The following WWOX variants were observed in gnomAD, a reference collection of about 807,000 sequenced individuals.
WWOX encodes the protein WW domain containing oxidoreductase.
WWOX carries 69 observed loss-of-function variants against 46.2 expected under a neutral mutation model. The observed-to-expected ratio is 1.49, with a 90% CI of 1.23 to 1.82. The LOEUF (loss-of-function observed/expected upper bound fraction) is 1.82. WWOX is among the 40% of genes most tolerant of loss of function. The probability of loss-of-function intolerance (pLI) is 0.00; values close to 1 mark genes in which losing one functional copy is unlikely to be tolerated. For missense variants in WWOX, 919 were observed against 542.6 expected, an observed-to-expected ratio of 1.69 and a Z score of -6.89; for synonymous variants, 359 against 202.6, an observed-to-expected ratio of 1.77 and a Z score of -6.56.
intron 8 of WWOX, among the ~76,000 whole-genome samples, chr16:78,910,257 C>A (rs1036250351): frequency 1.3e-5 from 2 of 150,122 alleles, no homozygotes; most frequent in Admixed American, 1.3e-4. Context: ...AGGTGGATTC[C>A]CTGCTTTCTC....
chr16:79,032,779 A>C (rs1340465226), intron 8 of WWOX, among the ~76,000 whole-genome samples: 2 of 151,402 alleles, frequency 1.3e-5, no homozygotes, highest in Admixed American at 6.6e-5. Flanking sequence ...TTTATATTTT[A>C]TTTTAAGTTC....
At chr16:78,193,910 C>T (rs926233898) in intron 5 of WWOX, among the ~76,000 whole-genome samples, 3 of 151,108 alleles carry the variant, frequency 2.0e-5, no homozygotes, top group Admixed American at 6.6e-5. Flanking sequence ...CGGACTCTCG[C>T]ACTGTCGCCC....
chr16:78,176,934 C>T (rs77409544), intron 5 of WWOX, among the ~76,000 whole-genome samples: 8,811 of 152,240 alleles, frequency 0.058, 856 homozygotes, highest in African/African-American at 0.2. Flanking sequence ...CAGATATGTA[C>T]ATGGTGCTAC....
chr16:78,997,002 G>A (rs2047003456), intron 8 of WWOX, among the ~76,000 whole-genome samples: 1 of 152,226 alleles, frequency 6.6e-6, no homozygotes, highest in African/African-American at 2.4e-5. Flanking sequence ...TCGCTCAAAT[G>A]TGCGTCTCTG....
At position 78,788,374 on chromosome 16, in the gene WWOX, C is replaced by G. The variant is rs946691656; in HGVS notation, c.1056+355622C>G. Among the ~76,000 whole-genome samples the G allele has an allele frequency of 2.0e-5, 3 of 152,334 alleles. No individual in the cohort carries two copies. In the East Asian group the frequency reaches 5.8e-4, roughly 29 times the overall value. On this transcript the variant is annotated intron_variant, in intron 8 of 8. Coordinates refer to ENST00000566780, the MANE Select transcript of WWOX (RefSeq NM_016373.4). ...ATCTCTTTGTCTCCTGTCCTTCTTT[C>G]ACCTGCCCCAAGGCAGGACTCTAAT...
At chr16:78,314,443 C>T (rs908006907) in intron 5 of WWOX, among the ~76,000 whole-genome samples, 5 of 149,194 alleles carry the variant, frequency 3.4e-5, no homozygotes, top group African/African-American at 1.2e-4. Context: ...ATACGTAGGA[C>T]CCCTGAACAT....
intron 8 of WWOX, among the ~76,000 whole-genome samples, chr16:78,886,737 T>C (rs1356337067): frequency 6.6e-6 from 1 of 151,458 alleles, no homozygotes; most frequent in Non-Finnish European, 1.5e-5. Context: ...TAAAAGAAAC[T>C]GCAGAGGCAG....
chr16:78,225,099 A>G (rs879560346), intron 5 of WWOX, among the ~76,000 whole-genome samples: 7 of 152,222 alleles, frequency 4.6e-5, no homozygotes, highest in Non-Finnish European at 1.0e-4. Flanking sequence ...CTGTCATTGC[A>G]TGAAGATCAT....
intron 7 of WWOX, among the ~76,000 whole-genome samples, chr16:78,427,883 C>T (rs1207069004): frequency 6.6e-6 from 1 of 152,176 alleles, no homozygotes; most frequent in Admixed American, 6.5e-5. Context: ...GCCTAGCCAG[C>T]ATGGCGAAAC....
intron 8 of WWOX, among the ~76,000 whole-genome samples, chr16:78,654,179 C>A (rs545308877): frequency 3.3e-5 from 5 of 152,208 alleles, no homozygotes; most frequent in Non-Finnish European, 1.5e-5. Flanking sequence ...GTTCAAATTG[C>A]CTTCGGCTCT....
At chr16:78,804,705 G>A (rs1039965090) in intron 8 of WWOX, among the ~76,000 whole-genome samples, 7 of 152,028 alleles carry the variant, frequency 4.6e-5, no homozygotes, top group African/African-American at 1.7e-4. Flanking sequence ...TTCTAATTTA[G>A]TGCTTGATAG....
At chr16:78,261,628 G>A (rs1314245407) in intron 5 of WWOX, among the ~76,000 whole-genome samples, 1 of 149,804 alleles carries the variant, frequency 6.7e-6, no homozygotes, top group African/African-American at 2.5e-5. Flanking sequence ...TTGCAACTAC[G>A]TGTTTGGGAA....
At chr16:79,126,365 C>G (rs1382759174) in intron 8 of WWOX, among the ~76,000 whole-genome samples, 2 of 152,100 alleles carry the variant, frequency 1.3e-5, no homozygotes, top group East Asian at 3.9e-4. Context: ...ATTGTAATCC[C>G]CACGTGTCAA....
intron 8 of WWOX, among the ~76,000 whole-genome samples, chr16:78,960,621 G>A (rs2046254222): frequency 6.6e-6 from 1 of 152,200 alleles, no homozygotes; most frequent in African/African-American, 2.4e-5. Context: ...TAAGGAAATT[G>A]TCTCTACCTT....
In WWOX at chr16:79,200,493, C is replaced by A. The variant is rs554403062; in HGVS notation, c.1057-11115C>A. On this transcript the variant is annotated intron_variant, in intron 8 of 8. Transcript: ENST00000566780. ...CGTTGCTTGGCCGTGAGTTACTTCA[C>A]CTCCTTTAGCCTCTGTCTCCCCTCC... is the stretch of plus-strand genomic sequence containing the variant. Among the ~76,000 whole-genome samples, 8 of 152,264 alleles carry A rather than the reference C, an allele frequency of 5.3e-5. No homozygotes were observed. In the South Asian group the frequency reaches 1.7e-3, roughly 32 times the overall value.
intron 8 of WWOX, among the ~76,000 whole-genome samples, chr16:78,979,435 G>A (rs191400774): frequency 4.6e-5 from 7 of 152,260 alleles, no homozygotes; most frequent in South Asian, 4.2e-4. Flanking sequence ...GAATACGTAC[G>A]TGACAGGCTC....
chr16:78,901,016 G>A (rs2044818585), intron 8 of WWOX, among the ~76,000 whole-genome samples: 1 of 152,128 alleles, frequency 6.6e-6, no homozygotes, highest in South Asian at 2.1e-4. Context: ...CCAAGAACAT[G>A]TTCTACAGAA....
chr16:78,865,713 C>G (rs570210463), intron 8 of WWOX, among the ~76,000 whole-genome samples: 76 of 152,196 alleles, frequency 5.0e-4, no homozygotes, highest in African/African-American at 1.8e-3. Context: ...AACCCCATCT[C>G]TACTAAAAAT....
At chr16:79,100,192 C>G (rs550124333) in intron 8 of WWOX, among the ~76,000 whole-genome samples, 3 of 152,022 alleles carry the variant, frequency 2.0e-5, no homozygotes, top group Non-Finnish European at 4.4e-5. Flanking sequence ...ATAGCCTAGC[C>G]AGGGTGGCAA....
Sources: allele counts gnomAD v4.1 joint callset (sites outside exome capture counted in the v4.1 genomes callset), GRCh38; gene constraint gnomAD v4.1.1; transcripts MANE v1.5; gene names NCBI Gene and HGNC (gene_info 2026-07-23, HGNC 2026-07-21).